Variants in VPS16 observed in about 807,000 individuals in gnomAD.
The protein encoded by VPS16 is VPS16 core subunit of CORVET and HOPS complexes, also known as vacuolar protein sorting-associated protein 16 homolog.
VPS16 carries 82 observed loss-of-function variants against 116.0 expected under a neutral mutation model. That is an observed-to-expected ratio of 0.71 (90% CI 0.59 to 0.85). The LOEUF (loss-of-function observed/expected upper bound fraction) is 0.85. Among genes scored for constraint, VPS16 ranks in the 40% least tolerant of loss-of-function variants. The probability of loss-of-function intolerance (pLI) is 0.00; values close to 1 mark genes in which losing one functional copy is unlikely to be tolerated. For missense variants in VPS16, 928 were observed against 1,090.6 expected, an observed-to-expected ratio of 0.85 and a Z score of 2.10; for synonymous variants, 406 against 420.7, an observed-to-expected ratio of 0.96 and a Z score of 0.43.
At chr20:2,861,935 TG>T (rs751669498) in intron 10 of VPS16, 36 bp downstream of exon 10, 72 of 1,609,588 alleles carry the variant, frequency 4.5e-5, no homozygotes, top group Admixed American at 1.2e-4. Context: ...TAACCCAAGG[TG>T]GGGACTCCTC....
chr20:2,859,735 A>G lies in VPS16; in HGVS notation c.70A>G (p.Ser24Gly). The change falls in exon 2 of 24, where the codon AGC (serine) becomes GGC (glycine). Residue 24 changes from serine to glycine, a missense_variant. Transcript: ENST00000380445. ...TGTGGGCAGGAAATATGAGCTGTACAGCATGGACTGGGACCTGAAGGAGGA... is the reference window on the plus strand; with the variant it reads ...TGTGGGCAGGAAATATGAGCTGTACGGCATGGACTGGGACCTGAAGGAGGA... ...SAFYRKYELY[S>G]MDWDLKEELR... 2 of 1,613,646 alleles carry G rather than the reference A, an allele frequency of 1.2e-6. No individual in the cohort carries two copies. The highest frequency in any genetic ancestry group is 2.2e-5 in the South Asian group (2 of 91,018).
chr20:2,849,172 A>G (rs971525422), intron 1 of VPS16, among the ~76,000 whole-genome samples: 3 of 152,204 alleles, frequency 2.0e-5, no homozygotes, highest in African/African-American at 7.2e-5. Flanking sequence ...ATTGTTTCCT[A>G]TCAGTACCCT....
intron 1 of VPS16, among the ~76,000 whole-genome samples, chr20:2,854,040 A>G (rs1037081588): frequency 1.3e-5 from 2 of 152,102 alleles, no homozygotes; most frequent in African/African-American, 4.8e-5. Context: ...TGCACCACTG[A>G]AAACCTTTCC....
chr20:2,850,610 G>C (rs2089108329), intron 1 of VPS16, among the ~76,000 whole-genome samples: 1 of 152,106 alleles, frequency 6.6e-6, no homozygotes, highest in South Asian at 2.1e-4. Context: ...TGGCAACAGA[G>C]TGAGACGCCA....
chr20:2,866,454 G>A lies in VPS16; in HGVS notation c.2400G>A (p.Val800=), dbSNP rs772298961. 1.2e-6 allele frequency: 2 copies of A among 1,614,162 alleles called. No individual in the cohort carries two copies. The highest frequency in any genetic ancestry group is 1.7e-6 in the Non-Finnish European group (2 of 1,180,026). ...GCGATGTGGCTCAGGCTGCAGATGT[G>A]GCCATCGAACACCGGAATGAGGCTG... ...LVGDVAQAAD[V]AIEHRNEAEL... The change falls in exon 24 of 24, where the codon GTG becomes GTA. Residue 800 remains valine, a synonymous_variant. Transcript: ENST00000380445.
chr20:2,860,714 G>A lies in VPS16; in HGVS notation c.515-34G>A. On this transcript the variant is annotated intron_variant, in intron 5 of 23. Transcript: ENST00000380445. The surrounding 1 kb of genome is among the most constrained non-coding windows in gnomAD (Gnocchi z 6.1). ...ATAGAAACAGAAACGGTGGGCCTTG[G>A]TCATCCTAACACTGTCCTTTTCCCT... is the stretch of plus-strand genomic sequence containing the variant. 1.2e-6 allele frequency: 2 copies of A among 1,612,784 alleles called. No homozygotes were observed. The highest frequency in any genetic ancestry group is 2.7e-5 in the African/African-American group (2 of 75,018).
Position 2,860,515 on chromosome 20 carries a change from A to G in VPS16, c.436A>G (p.Ile146Val), listed in dbSNP as rs2089215962. Reference sequence around the variant, plus strand: ...CACTGAGTTTGGTTCCGGAGTGGCCATCCTCACAGGGGCCCACCGCTTCAC... The same window carrying G: ...CACTGAGTTTGGTTCCGGAGTGGCCGTCCTCACAGGGGCCCACCGCTTCAC... ...FHTEFGSGVA[I>V]LTGAHRFTLS... is the part of the protein sequence containing the mutation. Residue 146 changes from isoleucine to valine, a missense_variant, in exon 5 of 24, where the codon ATC (isoleucine) becomes GTC (valine). Coordinates refer to ENST00000380445, the MANE Select transcript of VPS16 (RefSeq NM_022575.4). This position sits in a 1 kb window ranked among gnomAD's most constrained non-coding sequence, Gnocchi z 6.1. The G allele has an allele frequency of 2.5e-6, 4 of 1,613,830 alleles. No individual in the cohort carries two copies. The African/African-American group carries it at 4.0e-5, about 16-fold the overall frequency.
rs1411940542 is a variant in VPS16 at position 2,860,211 on chromosome 20, C to G, written c.241-28C>G. On this transcript the variant is annotated intron_variant, in intron 3 of 23. Transcript: ENST00000380445. This position sits in a 1 kb window ranked among gnomAD's most constrained non-coding sequence, Gnocchi z 6.1. ...TGGACAGGGTTTCCTCACCTGAGGA[C>G]AGCCTTAGGAACCTCTCTCCCCTGC... 6.2e-7 allele frequency: 1 copy of G among 1,613,850 alleles called. No individual in the cohort carries two copies. The highest frequency in any genetic ancestry group is 1.3e-5 in the African/African-American group (1 of 74,922).
At chr20:2,854,315 G>A (rs1327056089) in intron 1 of VPS16, among the ~76,000 whole-genome samples, 2 of 150,932 alleles carry the variant, frequency 1.3e-5, no homozygotes, top group East Asian at 3.9e-4. Flanking sequence ...CAGCTACTCA[G>A]GAGGCTGAGG....
In VPS16 at chr20:2,863,323, C is replaced by A; in HGVS notation, c.1401C>A (p.Ile467=). The part of the protein sequence containing the change: ...LVLRRLYPLA[I]QICEYLRLPE... ...TGCGGAGACTTTACCCCCTGGCCATCCAGATATGCGAGTACTTGCGCCTTC... is the reference window on the plus strand; with the variant it reads ...TGCGGAGACTTTACCCCCTGGCCATACAGATATGCGAGTACTTGCGCCTTC... Residue 467 remains isoleucine (I), a synonymous_variant, in exon 15 of 24, where the codon ATC becomes ATA. Transcript: ENST00000380445. This position sits in a 1 kb window ranked among gnomAD's most constrained non-coding sequence, Gnocchi z 4.4. The A allele has an allele frequency of 1.2e-6, 2 of 1,614,208 alleles. No individual in the cohort carries two copies. Among genetic ancestry groups the A allele is most frequent in the Non-Finnish European group, 1.7e-6 (2 of 1,180,036 alleles).
intron 13 of VPS16, 28 bp downstream of exon 13, chr20:2,862,962 C>G: frequency 6.2e-7 from 1 of 1,613,682 alleles, no homozygotes; most frequent in Non-Finnish European, 8.5e-7. Context: ...AGAAGGGTAC[C>G]CTACAGCCAG....
chr20:2,865,445 G>A lies in VPS16; in HGVS notation c.2221G>A (p.Glu741Lys), dbSNP rs1464283200. Residue 741 changes from glutamate to lysine, a missense_variant, in exon 22 of 24, where the codon GAA (glutamate) becomes AAA (lysine). Transcript: ENST00000380445. The surrounding 1 kb of genome is among the most constrained non-coding windows in gnomAD (Gnocchi z 5.2). Reference protein sequence around the residue: ...LTALADLEDWEELEKFSKSKK... With the variant: ...LTALADLEDWKELEKFSKSKK... ...TGCCCTGGCAGATTTGGAAGATTGG[G>A]AAGAGCTAGAGAAGTTTTCCAAGAG... The A allele has an allele frequency of 3.7e-6, 6 of 1,614,054 alleles. No individual in the cohort carries two copies. The highest frequency in any genetic ancestry group is 5.1e-6 in the Non-Finnish European group (6 of 1,180,046).
At chr20:2,859,151 A>G (rs966938504) in intron 1 of VPS16, among the ~76,000 whole-genome samples, 5 of 152,064 alleles carry the variant, frequency 3.3e-5, no homozygotes, top group Non-Finnish European at 5.9e-5. Flanking sequence ...TACAGAAATT[A>G]GCCAGGTGTG....
chr20:2,852,399 A>G (rs1358274279), intron 1 of VPS16, among the ~76,000 whole-genome samples: 1 of 152,198 alleles, frequency 6.6e-6, no homozygotes, highest in Non-Finnish European at 1.5e-5. Flanking sequence ...TGGAGCTGAG[A>G]GGCAATGCGT....
chr20:2,862,523 C>T (rs539117235), intron 11 of VPS16, 56 bp from the exon 12 acceptor site: 2 of 1,586,946 alleles, frequency 1.3e-6, no homozygotes, highest in African/African-American at 2.7e-5. Context: ...GGTTAGGGGC[C>T]AGATGTGGGA....
rs2089219111 is a variant in VPS16 at position 2,860,773 on chromosome 20, G to T, written c.540G>T (p.Trp180Cys). 1 of 1,613,986 alleles carries T rather than the reference G, an allele frequency of 6.2e-7. No homozygotes were observed. The highest frequency in any genetic ancestry group is 8.5e-7 in the Non-Finnish European group (1 of 1,180,036). The change falls in exon 6 of 24, where the codon TGG (tryptophan) becomes TGT (cysteine). Residue 180 changes from tryptophan (W) to cysteine (C), a missense_variant. Physicochemically the swap from Trp to Cys is radical, Grantham distance 215 (BLOSUM62 -2). Coordinates refer to ENST00000380445, the MANE Select transcript of VPS16 (RefSeq NM_022575.4). The surrounding 1 kb of genome is among the most constrained non-coding windows in gnomAD (Gnocchi z 6.1). ...VPGLQSAPSC[W>C]TVLCQDRVAH... Reference sequence around the variant, plus strand: ...GTCTGCAAAGTGCACCCTCCTGCTGGACTGTGCTGTGCCAGGACCGAGTGG... The same window carrying T: ...GTCTGCAAAGTGCACCCTCCTGCTGTACTGTGCTGTGCCAGGACCGAGTGG...
chr20:2,858,370 G>C (rs931039178), intron 1 of VPS16, among the ~76,000 whole-genome samples: 1 of 152,114 alleles, frequency 6.6e-6, no homozygotes, highest in Non-Finnish European at 1.5e-5. Flanking sequence ...GCCCCCTAAA[G>C]TGCTCAGATT....
chr20:2,854,735 G>A (rs1342098281), intron 1 of VPS16, among the ~76,000 whole-genome samples: 1 of 150,304 alleles, frequency 6.7e-6, no homozygotes, highest in Non-Finnish European at 1.5e-5. Flanking sequence ...GGTGGAGGTT[G>A]CGTTGAGCTG....
chr20:2,864,880 AC>A lies in VPS16; in HGVS notation c.1927-95del. The A allele has an allele frequency of 6.5e-7, 1 of 1,536,392 alleles. No individual in the cohort carries two copies. ...CTAGCAGGCAAGGCTGACCCTGGCG[AC>A]CCTGGGCACAGGGATGGGGGAGAAG... On this transcript the variant is annotated intron_variant, in intron 19 of 23. Transcript: ENST00000380445. This position sits in a 1 kb window ranked among gnomAD's most constrained non-coding sequence, Gnocchi z 5.2.
Sources: allele counts gnomAD v4.1 joint callset (sites outside exome capture counted in the v4.1 genomes callset), GRCh38; gene constraint gnomAD v4.1.1; non-coding constraint Gnocchi (gnomAD v3.1); transcripts MANE v1.5; gene names NCBI Gene and HGNC (gene_info 2026-07-23, HGNC 2026-07-21).